Variants in NMS observed in about 807,000 individuals in gnomAD.
The protein encoded by NMS is neuromedin S, also known as neuromedin-S.
A neutral mutation model predicts 32.2 loss-of-function variants in NMS; 30 were observed. That is an observed-to-expected ratio of 0.93 (90% confidence interval 0.70 to 1.26). The LOEUF (loss-of-function observed/expected upper bound fraction) is 1.26. Among genes scored for constraint, NMS ranks in the 50% most tolerant of loss-of-function variants. NMS has a pLI of 0.00. For synonymous variants in NMS, 76 were observed against 58.5 expected, an observed-to-expected ratio of 1.30 and a Z score of -1.37; for missense variants, 190 against 186.3, an observed-to-expected ratio of 1.02 and a Z score of -0.12.
At chr2:100,477,884 G>C (rs1034018144) in intron 5 of NMS, among the ~76,000 whole-genome samples, 13 of 152,150 alleles carry the variant, frequency 8.5e-5, no homozygotes, top group Admixed American at 1.3e-4. Context: ...TCTTCCTACA[G>C]ATTTGAGTTA....
intron 7 of NMS, among the ~76,000 whole-genome samples, chr2:100,480,877 A>G (rs1677204152): frequency 6.6e-6 from 1 of 152,106 alleles, no homozygotes; most frequent in African/African-American, 2.4e-5. Flanking sequence ...CAAACCCCAA[A>G]CACCGGTGGT....
chr2:100,471,007 A>G (rs1676998149), intron 1 of NMS, among the ~76,000 whole-genome samples: 1 of 152,222 alleles, frequency 6.6e-6, no homozygotes, highest in Admixed American at 6.5e-5. Context: ...ACACTGGAAA[A>G]AGGAATCTTT....
intron 5 of NMS, among the ~76,000 whole-genome samples, chr2:100,478,677 T>A (rs112976289): frequency 0.045 from 6,856 of 152,330 alleles, 373 homozygotes; most frequent in African/African-American, 0.13. Context: ...TTGGCCAAGC[T>A]GGTCTTGAAC....
Position 100,470,560 on chromosome 2 carries a change from C to T in NMS, c.72C>T (p.Ser24=). The change falls in exon 1 of 10, where the codon TCC becomes TCT. Residue 24 remains serine (S), a synonymous_variant. Transcript: ENST00000376865. ...GCTTCTGCATGCTACAGATTCCCTC[C>T]TCAGGTAAGGGGAGCTTCCTCAGAC... ...IYCFCMLQIP[S]SGFPQPLADP... 1.2e-6 allele frequency: 2 copies of T among 1,612,856 alleles called. No homozygotes were observed. Among genetic ancestry groups the T allele is most frequent in the Non-Finnish European group, 1.7e-6 (2 of 1,178,886 alleles).
intron 3 of NMS, among the ~76,000 whole-genome samples, chr2:100,475,828 G>A (rs1445294293): frequency 6.6e-6 from 1 of 151,792 alleles, no homozygotes; most frequent in Non-Finnish European, 1.5e-5. Flanking sequence ...GGTAAAGCCC[G>A]TCTCTACTAA....
intron 2 of NMS, among the ~76,000 whole-genome samples, chr2:100,473,153 A>T (rs1363140870): frequency 6.6e-6 from 1 of 152,232 alleles, no homozygotes; most frequent in Non-Finnish European, 1.5e-5. Context: ...CTAAATTTTA[A>T]ATGCATAATA....
rs527254755 is a variant in NMS, at chr2:100,481,248, G to A, written c.414+81G>A. 4 of 1,285,632 alleles carry A rather than the reference G, an allele frequency of 3.1e-6. No homozygotes were observed. The African/African-American group carries it at 4.4e-5, about 14-fold the overall frequency. The allele number at this position is 1,285,632 out of a possible 1,614,324, so 79.6% of individuals were successfully genotyped here. A position where few individuals can be genotyped will look rare whatever the true frequency, so the allele number is the denominator to read the frequency against. ...AATCATGGAGTGACTGCAAACAGCA[G>A]AGCCAGGACCCCTTGGTAAACTGGT... On this transcript the variant is annotated intron_variant, in intron 8 of 9. Transcript: ENST00000376865.
intron 6 of NMS, 105 bp downstream of exon 6, chr2:100,479,532 A>C: frequency 1.0e-6 from 1 of 983,182 alleles, no homozygotes; most frequent in Non-Finnish European, 1.5e-6. Context: ...CTCTCCTCAA[A>C]TCTTAGTCTC....
At position 100,477,105 on chromosome 2, in the gene NMS, A is replaced by T. The variant is rs78879016; in HGVS notation, c.184-139A>T. ...ATAGACTCATTAAATTTACGTAATAATTTCTTTTTAGATTGCCAATTTATC... is the reference window on the plus strand; with the variant it reads ...ATAGACTCATTAAATTTACGTAATATTTTCTTTTTAGATTGCCAATTTATC... On this transcript the variant is annotated intron_variant, in intron 3 of 9. Coordinates refer to ENST00000376865, the MANE Select transcript of NMS (RefSeq NM_001011717.1). 0.012 allele frequency: 8,372 copies of T among 692,480 alleles called. 481 individuals are homozygous for T. In the African/African-American group the frequency reaches 0.13, roughly 11 times the overall value. The allele number at this position is 692,480 out of a possible 1,614,324, so 42.9% of individuals were successfully genotyped here.
chr2:100,475,570 A>T (rs1677093080), intron 3 of NMS, among the ~76,000 whole-genome samples: 1 of 152,194 alleles, frequency 6.6e-6, no homozygotes, highest in Non-Finnish European at 1.5e-5. Context: ...TATTGACAGC[A>T]TGCCACGGAC....
intron 7 of NMS, 36 bp downstream of exon 7, chr2:100,480,567 A>G (rs1339794366): frequency 6.2e-7 from 1 of 1,611,234 alleles, no homozygotes; most frequent in Non-Finnish European, 8.5e-7. Flanking sequence ...ACCCCCAAAG[A>G]AAGCCCTACC....
intron 7 of NMS, among the ~76,000 whole-genome samples, chr2:100,480,756 C>G (rs72964183): frequency 0.12 from 18,704 of 152,184 alleles, 1,584 homozygotes; most frequent in Admixed American, 0.23. Context: ...TATTTCACCT[C>G]CAGCCCCAGA....
chr2:100,477,955 A>G (rs1677143179), intron 5 of NMS, among the ~76,000 whole-genome samples: 1 of 152,132 alleles, frequency 6.6e-6, no homozygotes, highest in South Asian at 2.1e-4. Flanking sequence ...AATATTGGAG[A>G]GGCCATAGAA....
chr2:100,476,415 A>G (rs1677110281), intron 3 of NMS, among the ~76,000 whole-genome samples: 1 of 152,222 alleles, frequency 6.6e-6, no homozygotes, highest in Non-Finnish European at 1.5e-5. Context: ...GAGAGGATGC[A>G]TAGGTATTGC....
In NMS at chr2:100,470,487, C is replaced by G. The variant is rs1380407021; in HGVS notation, c.-2C>G. On this transcript the variant is annotated 5_prime_UTR_variant, in exon 1 of 10. Transcript: ENST00000376865. ...CCAGCAAGGAGAAACCAGACTCTCA[C>G]AATGAAACATCTTCGTCCCCAGTTC... The G allele has an allele frequency of 6.2e-7, 1 of 1,613,104 alleles. No individual in the cohort carries two copies. Among genetic ancestry groups the G allele is most frequent in the Non-Finnish European group, 8.5e-7 (1 of 1,179,100 alleles).
At position 100,473,580 on chromosome 2, in the gene NMS, A is replaced by G. The variant is rs544326932; in HGVS notation, c.183+41A>G. Reference sequence around the variant, plus strand: ...TATATATAATATATATAAAATATATATATATGCAACAAACACACTCTTTTG... The same window carrying G: ...TATATATAATATATATAAAATATATGTATATGCAACAAACACACTCTTTTG... On this transcript the variant is annotated intron_variant, in intron 3 of 9. Coordinates refer to ENST00000376865, the MANE Select transcript of NMS (RefSeq NM_001011717.1). The G allele has an allele frequency of 4.0e-6, 3 of 758,302 alleles. No homozygotes were observed. The South Asian group carries it at 1.3e-4, about 32-fold the overall frequency. 47.0% of individuals were successfully genotyped at this position (758,302 alleles called of 1,614,324 possible).
intron 1 of NMS, 79 bp downstream of exon 1, chr2:100,470,643 T>C: frequency 9.0e-7 from 1 of 1,114,856 alleles, no homozygotes; most frequent in South Asian, 1.2e-5. Context: ...CCAGGGCAGC[T>C]CTGGAGGGAG....
At chr2:100,470,895 C>A (rs12105430) in intron 1 of NMS, among the ~76,000 whole-genome samples, 1 of 152,192 alleles carries the variant, frequency 6.6e-6, no homozygotes, top group Non-Finnish European at 1.5e-5. Context: ...CATTTCTGCT[C>A]CCTGGATTCT....
Position 100,470,672 on chromosome 2 carries a change from C to T in NMS, c.76+108C>T, listed in dbSNP as rs150623769. 172 of 854,528 alleles carry T rather than the reference C, an allele frequency of 2.0e-4. 1 individual carries two copies. The East Asian group carries it at 3.9e-3, about 19-fold the overall frequency. The allele number at this position is 854,528 out of a possible 1,614,324, so 52.9% of individuals were successfully genotyped here. On this transcript the variant is annotated intron_variant, in intron 1 of 9. Transcript: ENST00000376865. ...GAGGGAGTCAAGCTTTATTCTCCCC[C>T]GCCAGACCTTCTTGATTTCTGGCTG... is the stretch of plus-strand genomic sequence containing the variant.
Sources: gnomAD v4.1 joint callset for allele counts (sites outside exome capture counted in the v4.1 genomes callset) on GRCh38, gnomAD v4.1.1 for gene constraint, MANE v1.5 for transcripts, NCBI Gene and HGNC (gene_info 2026-07-23, HGNC 2026-07-21) for gene names.